SLC25A21: variants seen among roughly 807,000 people sequenced by gnomAD.
The protein encoded by SLC25A21 is mitochondrial 2-oxodicarboxylate carrier.
SLC25A21 carries 47 observed loss-of-function variants against 43.8 expected under a neutral mutation model. That is an observed-to-expected ratio of 1.07 (90% CI 0.85 to 1.37). The LOEUF (loss-of-function observed/expected upper bound fraction) is 1.37, where lower values mean the gene tolerates loss of function less well. Among genes scored for constraint, SLC25A21 ranks in the 40% most tolerant of loss-of-function variants. The pLI, the probability that SLC25A21 is intolerant of heterozygous loss-of-function variation, is 0.00. For missense variants in SLC25A21, 352 were observed against 350.2 expected (o/e 1.00, Z -0.04); for synonymous variants, 131 against 121.3 (o/e 1.08, Z -0.52).
In SLC25A21 at chr14:36,877,112, C is replaced by G. The variant is rs141319796; in HGVS notation, c.71-2108G>C. Among the ~76,000 whole-genome samples the G allele has an allele frequency of 8.5e-5, 13 of 152,162 alleles. No homozygotes were observed. The East Asian group carries it at 2.3e-3, about 27-fold the overall frequency. ...CAGAAATTCATTAAGTGCACTTCCA[C>G]GCACATAAGGAAATAAGATACTCAG... On this transcript the variant is annotated intron_variant, in intron 1 of 9. Coordinates refer to ENST00000331299, the MANE Select transcript of SLC25A21 (RefSeq NM_030631.4).
At chr14:36,923,799 C>A (rs187308096) in intron 1 of SLC25A21, among the ~76,000 whole-genome samples, 1 of 152,064 alleles carries the variant, frequency 6.6e-6, no homozygotes, top group African/African-American at 2.4e-5. Context: ...GGGCTAATAT[C>A]CAGAATCTAC....
intron 1 of SLC25A21, among the ~76,000 whole-genome samples, chr14:37,144,955 GT>G (rs774616408): frequency 4.6e-4 from 61 of 133,184 alleles, no homozygotes; most frequent in South Asian, 1.3e-3. Flanking sequence ...TGTTGTTGTT[GT>G]TTGTTTGTTT....
At chr14:37,115,544 G>T (rs1487282992) in intron 1 of SLC25A21, among the ~76,000 whole-genome samples, 1 of 152,116 alleles carries the variant, frequency 6.6e-6, no homozygotes, top group African/African-American at 2.4e-5. Context: ...TCTCCTCAGG[G>T]TTTATTTACT....
chr14:36,806,193 G>C (rs2138429351), intron 3 of SLC25A21, among the ~76,000 whole-genome samples: 1 of 151,756 alleles, frequency 6.6e-6, no homozygotes, highest in African/African-American at 2.4e-5. Flanking sequence ...ACTCCAGCCT[G>C]GGTGAGAGAG....
intron 1 of SLC25A21, among the ~76,000 whole-genome samples, chr14:37,146,414 C>A (rs530856913): frequency 6.6e-6 from 1 of 152,190 alleles, no homozygotes; most frequent in East Asian, 1.9e-4. Context: ...CCCCAGCTAA[C>A]TTCTGTATTT....
intron 6 of SLC25A21, among the ~76,000 whole-genome samples, chr14:36,722,413 C>T (rs1884412819): frequency 6.6e-6 from 1 of 151,960 alleles, no homozygotes; most frequent in South Asian, 2.1e-4. Context: ...AAGAGTGAGC[C>T]CTAATGTAAA....
rs536517266 is a variant in SLC25A21 at position 37,040,359 on chromosome 14, AAGAGAGAGAGAGAG to A, written c.70+131908_70+131921del. ...AAGGAAGGAAGGAAGGAAGGAAAGAAAGAGAGAGAGAGAGAGAAAGAAAGAAAGAAAGAAAGAAA... is the reference window on the plus strand; with the variant it reads ...AAGGAAGGAAGGAAGGAAGGAAAGAAAGAAAGAAAGAAAGAAAGAAAGAAA... On this transcript the variant is annotated intron_variant, in intron 1 of 9. Transcript: ENST00000331299. Among the ~76,000 whole-genome samples the A allele has an allele frequency of 1.0e-3, 41 of 40,150 alleles. 9 individuals carry two copies. The East Asian group carries it at 0.015, about 15-fold the overall frequency. The allele number at this position is 40,150 out of a possible 152,430, so 26.3% of individuals were successfully genotyped here. A position where few individuals can be genotyped will look rare whatever the true frequency, so the allele number is the denominator to read the frequency against.
intron 1 of SLC25A21, among the ~76,000 whole-genome samples, chr14:36,958,704 C>T (rs1430791951): frequency 6.6e-6 from 1 of 151,874 alleles, no homozygotes; most frequent in Non-Finnish European, 1.5e-5. Flanking sequence ...CACACACACA[C>T]ACACACACAC....
At chr14:36,971,258 G>T (rs1183692840) in intron 1 of SLC25A21, among the ~76,000 whole-genome samples, 1 of 152,180 alleles carries the variant, frequency 6.6e-6, no homozygotes, top group East Asian at 1.9e-4. Context: ...ACAAAGAGCA[G>T]CCTGTAGAAT....
At chr14:37,024,836 T>C (rs1037323080) in intron 1 of SLC25A21, among the ~76,000 whole-genome samples, 2 of 152,116 alleles carry the variant, frequency 1.3e-5, no homozygotes, top group Non-Finnish European at 1.5e-5. Context: ...TATTTATATA[T>C]ATCTAGCTTC....
chr14:37,163,912 C>T (rs1469754261), intron 1 of SLC25A21, among the ~76,000 whole-genome samples: 5 of 152,074 alleles, frequency 3.3e-5, no homozygotes, highest in African/African-American at 7.2e-5. Context: ...TTAGACTTTT[C>T]ATATTTATTT....
At chr14:36,990,507 A>T (rs186714525) in intron 1 of SLC25A21, among the ~76,000 whole-genome samples, 1 of 152,212 alleles carries the variant, frequency 6.6e-6, no homozygotes, top group East Asian at 1.9e-4. Context: ...TGAAATGTTT[A>T]TAAGTTTATC....
intron 1 of SLC25A21, among the ~76,000 whole-genome samples, chr14:36,886,004 T>TA (rs546627248): frequency 1.3e-5 from 2 of 152,254 alleles, no homozygotes; most frequent in East Asian, 3.9e-4. Flanking sequence ...CTTTAAAACA[T>TA]AAAAAAATAC....
intron 6 of SLC25A21, among the ~76,000 whole-genome samples, chr14:36,723,590 T>C (rs1213082910): frequency 6.6e-6 from 1 of 152,240 alleles, no homozygotes; most frequent in African/African-American, 2.4e-5. Context: ...TGCATTTGTG[T>C]AAGTGATGAA....
intron 3 of SLC25A21, among the ~76,000 whole-genome samples, chr14:36,762,871 CAG>C (rs1472553493): frequency 6.6e-6 from 1 of 152,156 alleles, no homozygotes; most frequent in Non-Finnish European, 1.5e-5. Flanking sequence ...TAGCACAAAG[CAG>C]AGTTTAAGAA....
chr14:36,798,721 ATGT>A lies in SLC25A21; in HGVS notation c.203+15194_203+15196del, dbSNP rs886885967. Among the ~76,000 whole-genome samples the A allele has an allele frequency of 8.9e-4, 136 of 152,246 alleles. 1 individual carries two copies. The highest frequency in any genetic ancestry group is 3.2e-3 in the African/African-American group (134 of 41,572). On this transcript the variant is annotated intron_variant, in intron 3 of 9. Transcript: ENST00000331299. ...CCGATATCTTTTTGTAGCTGGAATA[ATGT>A]TGTTTGCCCTTCATCTCCTTCTATA...
chr14:36,745,992 CTA>C (rs1885480876), intron 3 of SLC25A21, among the ~76,000 whole-genome samples: 1 of 152,086 alleles, frequency 6.6e-6, no homozygotes, highest in African/African-American at 2.4e-5. Flanking sequence ...GAGAACGCTT[CTA>C]CACTGCTGGT....
chr14:37,087,057 C>T (rs1962499225), intron 1 of SLC25A21, among the ~76,000 whole-genome samples: 1 of 152,110 alleles, frequency 6.6e-6, no homozygotes, highest in Non-Finnish European at 1.5e-5. Context: ...AAAAAGAGTC[C>T]ATGGCCCTCC....
At chr14:36,949,233 G>T (rs1892746391) in intron 1 of SLC25A21, among the ~76,000 whole-genome samples, 1 of 152,176 alleles carries the variant, frequency 6.6e-6, no homozygotes, top group Non-Finnish European at 1.5e-5. Context: ...CTTTGGAAAT[G>T]TAATACCTAT....
Sources: allele counts gnomAD v4.1 joint callset (sites outside exome capture counted in the v4.1 genomes callset), GRCh38; gene constraint gnomAD v4.1.1; transcripts MANE v1.5; gene names NCBI Gene and HGNC (gene_info 2026-07-23, HGNC 2026-07-21).